The following CUBN variants were observed in gnomAD, a reference collection of about 807,000 sequenced individuals.
The protein encoded by CUBN is 460 kDa receptor.
CUBN carries 282 observed loss-of-function variants against 405.3 expected under a neutral mutation model. The ratio of observed to expected loss-of-function variants is 0.70; its 90% confidence interval spans 0.63 to 0.77. The LOEUF (loss-of-function observed/expected upper bound fraction) is 0.77, where lower values mean the gene tolerates loss of function less well. CUBN is among the 30% of genes least tolerant of loss of function. CUBN has a pLI of 0.00. For missense variants in CUBN, 4,514 were observed against 4,475.2 expected (o/e 1.01, Z -0.25); for synonymous variants, 1,684 against 1,617.0 (o/e 1.04, Z -0.99).
intron 31 of CUBN, among the ~76,000 whole-genome samples, chr10:16,968,302 C>G (rs1410481787): frequency 6.6e-6 from 1 of 151,832 alleles, no homozygotes; most frequent in East Asian, 1.9e-4. Flanking sequence ...GACATTGCAG[C>G]TTTGGGTGGG....
At chr10:17,072,871 T>C (rs781335595) in intron 17 of CUBN, among the ~76,000 whole-genome samples, 3 of 152,092 alleles carry the variant, frequency 2.0e-5, no homozygotes, top group Non-Finnish European at 4.4e-5. Context: ...AGTATAACAT[T>C]AAAATTATCT....
chr10:17,084,002 G>C (rs193281515), intron 17 of CUBN, among the ~76,000 whole-genome samples: 45 of 152,170 alleles, frequency 3.0e-4, no homozygotes, highest in Admixed American at 4.6e-4. Flanking sequence ...TGACTAGCTG[G>C]GTCATCTGGG....
chr10:16,917,972 G>T (rs764139282), intron 45 of CUBN, among the ~76,000 whole-genome samples: 6 of 152,112 alleles, frequency 3.9e-5, no homozygotes, highest in Non-Finnish European at 7.3e-5. Context: ...TTTTGTATAT[G>T]ATATAAGGAA....
chr10:16,910,922 G>A (rs972732218), intron 48 of CUBN, among the ~76,000 whole-genome samples: 2 of 152,124 alleles, frequency 1.3e-5, no homozygotes, highest in African/African-American at 4.8e-5. Flanking sequence ...CTCACCAAAA[G>A]AGGAAATTAA....
chr10:16,853,645 CCT>C (rs1839784233), intron 59 of CUBN, among the ~76,000 whole-genome samples: 1 of 152,176 alleles, frequency 6.6e-6, no homozygotes, highest in South Asian at 2.1e-4. Context: ...AGGCCCAGTC[CCT>C]GATATATTCA....
rs534456736 is a variant in CUBN, at chr10:17,097,868, T to G, written c.1765+2137A>C. 3.3e-3 allele frequency among the ~76,000 whole-genome samples: 495 copies of G among 151,268 alleles called. 4 individuals are homozygous for G. The highest frequency in any genetic ancestry group is 0.01 in the Middle Eastern group (3 of 292). On this transcript the variant is annotated intron_variant, in intron 14 of 66. Transcript: ENST00000377833. ...GGTAACTAGGAACAAAAGGTGTGGG[T>G]TTTTTTTTAATTCTTTATAAATTCT...
chr10:17,122,659 A>C, intron 6 of CUBN, 136 bp downstream of exon 6: 2 of 690,622 alleles, frequency 2.9e-6, no homozygotes, highest in Non-Finnish European at 5.3e-6. Context: ...GACGTTAAGC[A>C]AGAGCTAAAT....
chr10:16,869,939 G>T (rs1588605631), intron 58 of CUBN, 86 bp from the exon 59 acceptor site: 3 of 925,000 alleles, frequency 3.2e-6, no homozygotes, highest in East Asian at 5.2e-5. Context: ...AAAATGACAA[G>T]GAAAAAACTA....
At chr10:17,086,295 T>C (rs1836108497) in intron 15 of CUBN, among the ~76,000 whole-genome samples, 1 of 152,178 alleles carries the variant, frequency 6.6e-6, no homozygotes, top group Non-Finnish European at 1.5e-5. Flanking sequence ...AGGCTGGACA[T>C]ATAGTTAGAA....
At chr10:16,959,383 C>A (rs775354396) in intron 31 of CUBN, among the ~76,000 whole-genome samples, 1 of 152,066 alleles carries the variant, frequency 6.6e-6, no homozygotes. Context: ...TAATCCCAGA[C>A]TTTGGGAAGC....
Position 17,045,052 on chromosome 10 carries a change from G to A in CUBN, c.3627C>T (p.Asp1209=). 1.2e-6 allele frequency: 2 copies of A among 1,614,076 alleles called. No individual in the cohort carries two copies. The highest frequency in any genetic ancestry group is 8.5e-7 in the Non-Finnish European group (1 of 1,179,994). ...HGSAFELEFK[D]FHLEHHPNCT... ...AGTTTGGATGATGCTCCAAGTGAAA[G>A]TCTTTGAATTCCAGTTCAAATGCGC... The change falls in exon 25 of 67, where the codon GAC becomes GAT. Residue 1209 remains aspartate, a synonymous_variant. Transcript: ENST00000377833.
intron 54 of CUBN, among the ~76,000 whole-genome samples, 200 bp downstream of exon 54, chr10:16,898,796 C>T (rs1162493872): frequency 5.3e-5 from 8 of 151,980 alleles, no homozygotes; most frequent in African/African-American, 1.9e-4. Context: ...GGCATTTTTC[C>T]CTTTAGGATC....
rs189284904 is a variant in CUBN at position 16,900,216 on chromosome 10, A to G, written c.8410+409T>C. On this transcript the variant is annotated intron_variant, in intron 53 of 66. Transcript: ENST00000377833. ...TCCTGCCCTCAGCTCACCACTCAGCATTCTGCTTTTAGGCTCCAGATATTT... is the reference window on the plus strand; with the variant it reads ...TCCTGCCCTCAGCTCACCACTCAGCGTTCTGCTTTTAGGCTCCAGATATTT... 2.0e-5 allele frequency among the ~76,000 whole-genome samples: 3 copies of G among 152,294 alleles called. No homozygotes were observed. In the East Asian group the frequency reaches 5.8e-4, roughly 29 times the overall value.
chr10:17,064,708 C>T (rs1470062544), intron 22 of CUBN, among the ~76,000 whole-genome samples: 1 of 152,116 alleles, frequency 6.6e-6, no homozygotes, highest in Non-Finnish European at 1.5e-5. Flanking sequence ...CATGCACAGG[C>T]TCTTGGGGCT....
rs550201322 is a variant in CUBN at position 16,830,630 on chromosome 10, A to C, written c.10528+622T>G. Among the ~76,000 whole-genome samples, 8 of 152,292 alleles carry C rather than the reference A, an allele frequency of 5.3e-5. No individual in the cohort carries two copies. In the East Asian group the frequency reaches 1.5e-3, roughly 29 times the overall value. On this transcript the variant is annotated intron_variant, in intron 65 of 66. Coordinates refer to ENST00000377833, the MANE Select transcript of CUBN (RefSeq NM_001081.4). ...GTTCATAAGTTGGATTTTTGGTAAA[A>C]ATTTTTCTTTAAATTCTCAAAGAAC...
chr10:16,843,094 A>G (rs1434712750), intron 60 of CUBN, among the ~76,000 whole-genome samples: 1 of 152,138 alleles, frequency 6.6e-6, no homozygotes, highest in Non-Finnish European at 1.5e-5. Flanking sequence ...CTTTCCCAAC[A>G]AGGATGTAAG....
intron 50 of CUBN, among the ~76,000 whole-genome samples, chr10:16,905,793 C>A (rs1841537402): frequency 6.6e-6 from 1 of 152,082 alleles, no homozygotes; most frequent in Non-Finnish European, 1.5e-5. Context: ...TGACTCCCTT[C>A]ATTGTTAGTA....
intron 55 of CUBN, among the ~76,000 whole-genome samples, chr10:16,888,854 A>G (rs1179298582): frequency 6.6e-6 from 1 of 152,244 alleles, no homozygotes; most frequent in African/African-American, 2.4e-5. Context: ...ATATTAAGAA[A>G]GGATAAACGA....
At chr10:17,121,474 C>T (rs1449527165) in intron 6 of CUBN, among the ~76,000 whole-genome samples, 1 of 142,300 alleles carries the variant, frequency 7.0e-6, no homozygotes, top group Non-Finnish European at 1.5e-5. Context: ...CATGTTCTCA[C>T]TCATAGGTGG....
Sources: allele counts gnomAD v4.1 joint callset (sites outside exome capture counted in the v4.1 genomes callset), GRCh38; gene constraint gnomAD v4.1.1; transcripts MANE v1.5; gene names NCBI Gene and HGNC (gene_info 2026-07-23, HGNC 2026-07-21).